Variants in TRMT11 observed in about 807,000 individuals in gnomAD.
The protein encoded by TRMT11 is tRNA (guanine(10)-N(2))-methyltransferase TRMT11.
TRMT11 carries 53 observed loss-of-function variants against 62.8 expected under a neutral mutation model. The ratio of observed to expected loss-of-function variants is 0.84; its 90% CI spans 0.68 to 1.06. The LOEUF (loss-of-function observed/expected upper bound fraction) is 1.06. TRMT11 is among the 50% of genes least tolerant of loss of function. The pLI is 0.00. For missense variants in TRMT11, 556 were observed against 553.4 expected (o/e 1.00, Z -0.05); for synonymous variants, 188 against 190.3 (o/e 0.99, Z 0.10).
At chr6:126,065,677 C>T (rs954108514) in intron 17 of TRMT11, among the ~76,000 whole-genome samples, 1 of 152,144 alleles carries the variant, frequency 6.6e-6, no homozygotes, top group African/African-American at 2.4e-5. Context: ...AAAATGAATA[C>T]TTGCAAAGTA....
the TRMT11 span, among the ~76,000 whole-genome samples, chr6:126,271,361 C>T: frequency 1.8e-5 from 1 of 56,580 alleles, no homozygotes; most frequent in Admixed American, 2.9e-4. Context: ...AAGACTCCAT[C>T]TCAAAAAAAA....
chr6:126,129,025 G>T lies in TRMT11; in HGVS notation c.*1823+13170G>T, dbSNP rs145920678. ...AGCTATAAAAGAGGTCAGGACACCT[G>T]GGTCTAGTCTCAGCTCTACCACGAA... On this transcript the variant is annotated intron_variant and NMD_transcript_variant, in intron 21 of 22. Coordinates refer to the TRMT11 transcript ENST00000648977. 2.9e-4 allele frequency among the ~76,000 whole-genome samples: 44 copies of T among 150,796 alleles called. No individual in the cohort carries two copies. In the East Asian group the frequency reaches 8.0e-3, roughly 28 times the overall value.
intron 1 of TRMT11, among the ~76,000 whole-genome samples, chr6:126,191,403 C>A (rs9491577): frequency 0.061 from 9,096 of 149,086 alleles, 947 homozygotes; most frequent in African/African-American, 0.21. Context: ...GCTATCTCTT[C>A]ATTATGTTAG....
At chr6:126,181,905 G>A (rs1778471247) in intron 1 of TRMT11, among the ~76,000 whole-genome samples, 1 of 152,050 alleles carries the variant, frequency 6.6e-6, no homozygotes, top group Non-Finnish European at 1.5e-5. Flanking sequence ...TTAGAGGTAA[G>A]GAATACAGTT....
intron 12 of TRMT11, among the ~76,000 whole-genome samples, chr6:126,028,875 G>A (rs1049054499): frequency 6.6e-6 from 1 of 152,118 alleles, no homozygotes; most frequent in Non-Finnish European, 1.5e-5. Flanking sequence ...TCTGAAGCCT[G>A]AGAGAACACA....
At chr6:126,110,272 T>C (rs61321192) in intron 17 of TRMT11, among the ~76,000 whole-genome samples, 5,493 of 152,240 alleles carry the variant, frequency 0.036, 324 homozygotes, top group African/African-American at 0.12. Flanking sequence ...TGGGCAGTGC[T>C]GAGAAACACA....
chr6:126,160,005 A>T (rs937230193), intron 21 of TRMT11, among the ~76,000 whole-genome samples: 1 of 152,274 alleles, frequency 6.6e-6, no homozygotes, highest in East Asian at 1.9e-4. Context: ...ATCCTGTCTG[A>T]TCTCTTACCT....
chr6:126,173,546 A>G (rs899035786), upstream of TRMT11, among the ~76,000 whole-genome samples: 1 of 152,190 alleles, frequency 6.6e-6, no homozygotes, highest in Non-Finnish European at 1.5e-5. Context: ...CAAGCATGCT[A>G]TGAGAAGTCA....
intron 21 of TRMT11, among the ~76,000 whole-genome samples, chr6:126,119,054 A>C (rs1777619279): frequency 6.6e-6 from 1 of 152,116 alleles, no homozygotes; most frequent in Non-Finnish European, 1.5e-5. Flanking sequence ...TCTGGATCCA[A>C]ATCCCTGGGT....
chr6:126,024,344 C>T (rs1796237008), intron 12 of TRMT11, among the ~76,000 whole-genome samples: 1 of 152,146 alleles, frequency 6.6e-6, no homozygotes, highest in Non-Finnish European at 1.5e-5. Context: ...TTCAGGTGTC[C>T]ACTGTCTTGC....
chr6:126,008,840 C>CA (rs1583691441), intron 8 of TRMT11: 1 of 390,034 alleles, frequency 2.6e-6, no homozygotes, highest in East Asian at 6.4e-5. Context: ...CACCCCAACC[C>CA]CATGTTGCTC....
chr6:126,125,060 G>A (rs886610854), intron 21 of TRMT11, among the ~76,000 whole-genome samples: 3 of 152,202 alleles, frequency 2.0e-5, no homozygotes, highest in African/African-American at 4.8e-5. Flanking sequence ...GATCTCTGAT[G>A]TGACAATTCC....
At chr6:126,197,618 G>A (rs866855905) in intron 1 of TRMT11, among the ~76,000 whole-genome samples, 44 of 152,040 alleles carry the variant, frequency 2.9e-4, no homozygotes, top group African/African-American at 9.4e-4. Flanking sequence ...TTTTCACTAC[G>A]TATTATACAT....
intron 17 of TRMT11, among the ~76,000 whole-genome samples, chr6:126,071,124 TTCTTCTCC>T (rs1212597708): frequency 1.3e-5 from 2 of 152,190 alleles, no homozygotes; most frequent in African/African-American, 2.4e-5. Flanking sequence ...GAAGTAACAG[TTCTTCTCC>T]TCCCACACGT....
chr6:126,196,119 G>T (rs1431836211), intron 1 of TRMT11, among the ~76,000 whole-genome samples: 1 of 152,120 alleles, frequency 6.6e-6, no homozygotes. Flanking sequence ...TAAGCCAATG[G>T]TTTTCAAACT....
intron 1 of TRMT11, among the ~76,000 whole-genome samples, chr6:126,193,799 T>TG (rs1279310605): frequency 6.6e-6 from 1 of 152,146 alleles, no homozygotes; most frequent in Non-Finnish European, 1.5e-5. Flanking sequence ...TCTGTGTTTT[T>TG]GATGTAGACC....
Position 126,013,047 on chromosome 6 carries a change from A to G in TRMT11, c.1085A>G (p.Glu362Gly), listed in dbSNP as rs143194452. ...MFLDLLNFAA[E>G]TLVLGGRLVY... ...CTTGACCTGTTAAACTTCGCAGCTG[A>G]GACCCTCGTTTTAGGTGGAAGACTA... is the stretch of plus-strand genomic sequence containing the variant. Residue 362 changes from glutamate to glycine, a missense_variant, in exon 11 of 13, where the codon GAG becomes GGG. Physicochemically the swap from Glu to Gly is moderately conservative, Grantham distance 98 (BLOSUM62 -2). Coordinates refer to ENST00000334379, the MANE Select transcript of TRMT11 (RefSeq NM_001031712.3). The G allele has an allele frequency of 1.9e-4, 309 of 1,613,864 alleles. No homozygotes were observed. The African/African-American group carries it at 3.9e-3, about 20-fold the overall frequency.
intron 7 of TRMT11, among the ~76,000 whole-genome samples, chr6:126,002,326 A>G (rs186551771): frequency 5.3e-5 from 8 of 152,286 alleles, no homozygotes; most frequent in African/African-American, 7.2e-5. Flanking sequence ...ATTGCAGTCA[A>G]TCCTTACAGA....
the TRMT11 span, among the ~76,000 whole-genome samples, chr6:126,265,632 T>A: frequency 2.0e-5 from 3 of 152,154 alleles, no homozygotes; most frequent in African/African-American, 7.2e-5. Context: ...TAATGTATAA[T>A]GTTACCTGGT....
Sources: gnomAD v4.1 joint callset for allele counts (sites outside exome capture counted in the v4.1 genomes callset) on GRCh38, gnomAD v4.1.1 for gene constraint, MANE v1.5 for transcripts, NCBI Gene and HGNC (gene_info 2026-07-23, HGNC 2026-07-21) for gene names.